Variants in SGMS1 observed in about 807,000 individuals in gnomAD.
SGMS1 encodes the protein phosphatidylcholine:ceramide cholinephosphotransferase 1.
SGMS1 carries 13 observed loss-of-function variants against 46.2 expected under a neutral mutation model. The observed-to-expected ratio is 0.28, with a 90% confidence interval of 0.18 to 0.45. SGMS1 has a LOEUF of 0.45. SGMS1 is among the 20% of genes least tolerant of loss of function. The pLI is 1.00. For missense variants in SGMS1, 324 were observed against 519.9 expected, an observed-to-expected ratio of 0.62 and a Z score of 3.66; for synonymous variants, 203 against 187.8, an observed-to-expected ratio of 1.08 and a Z score of -0.66.
intron 3 of SGMS1, among the ~76,000 whole-genome samples, chr10:50,486,619 A>C (rs1837523399): frequency 6.6e-6 from 1 of 152,220 alleles, no homozygotes; most frequent in Admixed American, 6.5e-5. Context: ...ATGCCATCTC[A>C]CACCAGTCAG....
At chr10:50,421,896 A>G (rs1052393131) in intron 6 of SGMS1, among the ~76,000 whole-genome samples, 3 of 152,200 alleles carry the variant, frequency 2.0e-5, no homozygotes, top group African/African-American at 4.8e-5. Flanking sequence ...CAGGCCTCTC[A>G]GCTGCTGGGT....
chr10:50,457,507 G>A (rs1018027909), intron 5 of SGMS1, among the ~76,000 whole-genome samples: 5 of 152,008 alleles, frequency 3.3e-5, no homozygotes, highest in Admixed American at 6.6e-5. Flanking sequence ...CTTGGTGTAC[G>A]AAGGATCCCA....
rs547218538 is a variant in SGMS1 at position 50,384,046 on chromosome 10, C to T, written c.-231-39701G>A. Among the ~76,000 whole-genome samples the T allele has an allele frequency of 3.3e-5, 5 of 152,266 alleles. No individual in the cohort carries two copies. In the East Asian group the frequency reaches 9.7e-4, roughly 29 times the overall value. On this transcript the variant is annotated intron_variant, in intron 6 of 10. Coordinates refer to ENST00000361781, the MANE Select transcript of SGMS1 (RefSeq NM_147156.4). ...GCCACATGAGAGTACAGTGAGAAGA[C>T]AGCTGTCCAGGAGAAGGAGGGAATC...
At chr10:50,521,342 A>G (rs1353860288) in intron 2 of SGMS1, among the ~76,000 whole-genome samples, 1 of 152,170 alleles carries the variant, frequency 6.6e-6, no homozygotes, top group Non-Finnish European at 1.5e-5. Context: ...CCTTAAGGAG[A>G]TAAGTGCAAT....
chr10:50,353,559 A>G (rs1239357166), intron 6 of SGMS1, among the ~76,000 whole-genome samples: 1 of 152,276 alleles, frequency 6.6e-6, no homozygotes, highest in Non-Finnish European at 1.5e-5. Flanking sequence ...CACCACTCCT[A>G]TTCAACATAG....
intron 2 of SGMS1, among the ~76,000 whole-genome samples, chr10:50,583,709 G>A (rs573628003): frequency 5.9e-5 from 9 of 152,308 alleles, no homozygotes; most frequent in African/African-American, 1.9e-4. Flanking sequence ...AATTACTTAA[G>A]GCCATAGACT....
chr10:50,587,633 ATGTGTGTGTGTGTG>A (rs35240090), intron 2 of SGMS1, among the ~76,000 whole-genome samples: 28 of 138,264 alleles, frequency 2.0e-4, no homozygotes, highest in East Asian at 1.7e-3. Flanking sequence ...CAAAATATAT[ATGTGTGTGTGTGTG>A]TGTGTGTGTG....
intron 2 of SGMS1, among the ~76,000 whole-genome samples, chr10:50,577,498 A>T (rs1838395860): frequency 6.6e-6 from 1 of 152,180 alleles, no homozygotes; most frequent in African/African-American, 2.4e-5. Flanking sequence ...ATTTATTCAT[A>T]TTTAGTCCTT....
At chr10:50,402,436 G>A (rs1386226091) in intron 6 of SGMS1, among the ~76,000 whole-genome samples, 6 of 152,122 alleles carry the variant, frequency 3.9e-5, no homozygotes, top group African/African-American at 7.2e-5. Flanking sequence ...GCAAGAAAAA[G>A]GGGCCACGAT....
intron 7 of SGMS1, among the ~76,000 whole-genome samples, chr10:50,330,327 A>G (rs1847600653): frequency 6.6e-6 from 1 of 151,920 alleles, no homozygotes; most frequent in Non-Finnish European, 1.5e-5. Flanking sequence ...ACAAACAAAC[A>G]AAAAAACATT....
chr10:50,311,190 G>A, intron 9 of SGMS1, 72 bp downstream of exon 9: 1 of 1,548,612 alleles, frequency 6.5e-7, no homozygotes, highest in Non-Finnish European at 8.8e-7. Context: ...CAGAAAATGA[G>A]CTTTACCAGA....
chr10:50,326,038 G>A (rs1216370448), intron 8 of SGMS1, among the ~76,000 whole-genome samples: 1 of 152,082 alleles, frequency 6.6e-6, no homozygotes, highest in Non-Finnish European at 1.5e-5. Context: ...GAAAGAAACT[G>A]CAAGAAGGAG....
intron 2 of SGMS1, among the ~76,000 whole-genome samples, chr10:50,562,642 C>T (rs1838251368): frequency 6.6e-6 from 1 of 152,190 alleles, no homozygotes; most frequent in Non-Finnish European, 1.5e-5. Context: ...CTCCCGGGTT[C>T]ACACCATTCT....
chr10:50,475,105 T>C (rs905771157), intron 3 of SGMS1, among the ~76,000 whole-genome samples: 2 of 152,198 alleles, frequency 1.3e-5, no homozygotes, highest in Admixed American at 6.5e-5. Context: ...AATAAGGCTA[T>C]GCACTTTTGA....
chr10:50,570,704 G>A (rs1246420030), intron 2 of SGMS1, among the ~76,000 whole-genome samples: 1 of 152,172 alleles, frequency 6.6e-6, no homozygotes, highest in Non-Finnish European at 1.5e-5. Flanking sequence ...GGAGCCCAAG[G>A]CAGGAGAATT....
chr10:50,374,643 C>T (rs1157077362), intron 6 of SGMS1, among the ~76,000 whole-genome samples: 1 of 152,112 alleles, frequency 6.6e-6, no homozygotes, highest in Non-Finnish European at 1.5e-5. Flanking sequence ...CATAAGGTCC[C>T]AAGTGATCTG....
intron 7 of SGMS1, among the ~76,000 whole-genome samples, chr10:50,337,923 C>T (rs992397971): frequency 1.4e-5 from 2 of 146,906 alleles, no homozygotes; most frequent in East Asian, 2.0e-4. Context: ...ACATGAAATA[C>T]AGAATGTTAG....
intron 2 of SGMS1, among the ~76,000 whole-genome samples, chr10:50,560,175 C>T (rs1430132180): frequency 2.1e-5 from 3 of 144,058 alleles, no homozygotes; most frequent in African/African-American, 7.6e-5. Flanking sequence ...TTATACATTA[C>T]ATATATCAGA....
In SGMS1 at chr10:50,538,068, C is replaced by A. The variant is rs184597107; in HGVS notation, c.-588-18147G>T. Among the ~76,000 whole-genome samples the A allele has an allele frequency of 3.4e-4, 52 of 151,616 alleles. No homozygotes were observed. The East Asian group carries it at 6.2e-3, about 18-fold the overall frequency. On this transcript the variant is annotated intron_variant, in intron 2 of 10. Transcript: ENST00000361781. ...ACAGTGAGCTATGATTATGCCACGGCACTCCAGCCTGGGCAACAGAGTGAG... is the reference window on the plus strand; with the variant it reads ...ACAGTGAGCTATGATTATGCCACGGAACTCCAGCCTGGGCAACAGAGTGAG...
Sources: allele counts gnomAD v4.1 joint callset (sites outside exome capture counted in the v4.1 genomes callset), GRCh38; gene constraint gnomAD v4.1.1; transcripts MANE v1.5; gene names NCBI Gene and HGNC (gene_info 2026-07-23, HGNC 2026-07-21).